The following ANTXRL variants were observed in gnomAD, a reference collection of about 807,000 sequenced individuals.
The protein encoded by ANTXRL is anthrax toxin receptor-like.
A neutral mutation model predicts 75.4 loss-of-function variants in ANTXRL; 63 were observed. The observed-to-expected ratio is 0.84, with a 90% CI of 0.68 to 1.03. ANTXRL has a LOEUF of 1.03. Ranked by LOEUF, ANTXRL falls within the 50% of genes least tolerant of loss-of-function variation. The pLI is 0.00. For missense variants in ANTXRL, 797 were observed against 789.4 expected, an observed-to-expected ratio of 1.01 and a Z score of -0.12; for synonymous variants, 335 against 291.3, an observed-to-expected ratio of 1.15 and a Z score of -1.53.
rs182005465 is a variant in ANTXRL, at chr10:46,287,040, A to G, written c.-223A>G. Reference sequence around the variant, plus strand: ...CCCCAGGGTGGGGGAAGGGCCAGGCAGGTAGCTGGAAGCAAGTCTCCCAGA... The same window carrying G: ...CCCCAGGGTGGGGGAAGGGCCAGGCGGGTAGCTGGAAGCAAGTCTCCCAGA... On this transcript the variant is annotated 5_prime_UTR_variant, in exon 1 of 17. Coordinates refer to ENST00000620264, the MANE Select transcript of ANTXRL (RefSeq NM_001278688.3). 438 of 598,632 alleles carry G rather than the reference A, an allele frequency of 7.3e-4. 6 individuals are homozygous for G. Among genetic ancestry groups the G allele is most frequent in the African/African-American group, 7.1e-3 (383 of 53,770 alleles). The allele number at this position is 598,632 out of a possible 1,614,324, so 37.1% of individuals were successfully genotyped here.
Position 46,296,028 on chromosome 10 carries a change from A to G in ANTXRL, c.402A>G (p.Ile134Met), listed in dbSNP as rs1554958514. Residue 134 changes from isoleucine to methionine, a missense_variant, in exon 4 of 17, where the codon ATA becomes ATG. This residue lies in a region of ANTXRL where 262 missense variants were observed against 271.9 expected (regional missense o/e 0.96). Coordinates refer to ENST00000620264, the MANE Select transcript of ANTXRL (RefSeq NM_001278688.3). ...VLPLTSDKNR[I>M]KNGLDQLQKI... ...TTTAAATTTTTTTCAGGAATAGAAT[A>G]AAAAACGGTCTTGACCAACTTCAGA... 2.0e-5 allele frequency: 30 copies of G among 1,535,768 alleles called. No homozygotes were observed. Among genetic ancestry groups the G allele is most frequent in the Non-Finnish European group, 2.5e-5 (29 of 1,146,624 alleles).
At chr10:46,300,329 A>C (rs1837644717) in intron 9 of ANTXRL, among the ~76,000 whole-genome samples, 1 of 152,148 alleles carries the variant, frequency 6.6e-6, no homozygotes, top group Non-Finnish European at 1.5e-5. Context: ...GCTGCCACTG[A>C]GAAGCCAGGA....
Position 46,309,095 on chromosome 10 carries a change from GCT to G in ANTXRL, c.1045-13_1045-12del. 2.6e-6 allele frequency: 4 copies of G among 1,535,594 alleles called. No homozygotes were observed. The highest frequency in any genetic ancestry group is 3.5e-6 in the Non-Finnish European group (4 of 1,146,570). On this transcript the variant is annotated splice_polypyrimidine_tract_variant and intron_variant, in intron 12 of 16. Coordinates refer to ENST00000620264, the MANE Select transcript of ANTXRL (RefSeq NM_001278688.3). ...GAGGCCACCGAGGCCCTCCTATGGT[GCT>G]CTCTTTCTCCACCAGGGCATTTTCC...
At chr10:46,323,178 G>C (rs1336677612) in intron 16 of ANTXRL, among the ~76,000 whole-genome samples, 1 of 152,170 alleles carries the variant, frequency 6.6e-6, no homozygotes, top group East Asian at 1.9e-4. Context: ...CCTGTGGTTT[G>C]AGCTGACTTA....
chr10:46,318,850 C>T (rs1216286264), intron 16 of ANTXRL, among the ~76,000 whole-genome samples: 1 of 152,070 alleles, frequency 6.6e-6, no homozygotes, highest in Non-Finnish European at 1.5e-5. Context: ...ATAGGGCAGC[C>T]CTCAGAATCA....
chr10:46,327,383 G>A (rs376326340), intron 16 of ANTXRL, among the ~76,000 whole-genome samples: 1 of 152,092 alleles, frequency 6.6e-6, no homozygotes, highest in East Asian at 1.9e-4. Context: ...GGGAGAGCAG[G>A]CTAACACACT....
At chr10:46,313,097 G>A (rs80049972) in intron 15 of ANTXRL, 139 bp from the exon 16 acceptor site, 122,535 of 752,406 alleles carry the variant, frequency 0.16, 8,421 homozygotes, top group Non-Finnish European at 0.19. Flanking sequence ...AGGCTGCCAG[G>A]CCCCTCCCCC....
In ANTXRL at chr10:46,297,343, T is replaced by A. The variant is rs1554959079; in HGVS notation, c.585+15T>A. The A allele has an allele frequency of 6.5e-7, 1 of 1,536,318 alleles. No homozygotes were observed. Among genetic ancestry groups the A allele is most frequent in the Non-Finnish European group, 8.7e-7 (1 of 1,146,770 alleles). On this transcript the variant is annotated intron_variant, in intron 6 of 16. Transcript: ENST00000620264. Reference sequence around the variant, plus strand: ...CTCTCAGAGAAGTGAGTCCAGTTCATACTTACCAGCATTTTGCTCCATGTA... The same window carrying A: ...CTCTCAGAGAAGTGAGTCCAGTTCAAACTTACCAGCATTTTGCTCCATGTA...
chr10:46,308,529 A>G (rs1205687816), intron 12 of ANTXRL: 5 of 437,946 alleles, frequency 1.1e-5, no homozygotes, highest in Non-Finnish European at 1.8e-5. Flanking sequence ...GCCGCCCAAG[A>G]TTCCTTTATT....
chr10:46,327,988 G>A (rs1839308843), intron 16 of ANTXRL, among the ~76,000 whole-genome samples: 2 of 152,132 alleles, frequency 1.3e-5, no homozygotes, highest in African/African-American at 4.8e-5. Flanking sequence ...TGGCATCCTG[G>A]GATCCTGCTG....
Position 46,312,405 on chromosome 10 carries a change from A to G in ANTXRL, c.1329+740A>G, listed in dbSNP as rs186129271. ...GAACCCTGCCAGACAGCAGCAGGGG[A>G]CCCTGCACAGGGGTAGAGAGGGCGC... On this transcript the variant is annotated intron_variant, in intron 15 of 16. Coordinates refer to ENST00000620264, the MANE Select transcript of ANTXRL (RefSeq NM_001278688.3). Among the ~76,000 whole-genome samples the G allele has an allele frequency of 9.1e-3, 1,260 of 138,934 alleles. 173 individuals carry two copies. Among genetic ancestry groups the G allele is most frequent in the Non-Finnish European group, 0.013 (793 of 62,030 alleles). The allele number at this position is 138,934 out of a possible 152,430, so 91.1% of individuals were successfully genotyped here. A position where few individuals can be genotyped will look rare whatever the true frequency, so the allele number is the denominator to read the frequency against.
intron 16 of ANTXRL, among the ~76,000 whole-genome samples, chr10:46,328,702 G>A (rs1354651462): frequency 2.6e-5 from 4 of 151,962 alleles, no homozygotes; most frequent in African/African-American, 9.7e-5. Context: ...ATGTGCCGTG[G>A]TGGTTTGTTG....
chr10:46,301,080 T>C (rs1385820989), intron 9 of ANTXRL, among the ~76,000 whole-genome samples: 8 of 151,716 alleles, frequency 5.3e-5, no homozygotes, highest in African/African-American at 1.9e-4. Flanking sequence ...TAATTTGCAA[T>C]TATCCTGTCC....
intron 16 of ANTXRL, among the ~76,000 whole-genome samples, chr10:46,315,425 C>T (rs377749921): frequency 2.5e-4 from 38 of 151,982 alleles, no homozygotes; most frequent in Admixed American, 6.5e-4. Flanking sequence ...ATCAGTGAGA[C>T]GTCCTGCCAG....
chr10:46,301,943 G>A (rs1202415310), intron 9 of ANTXRL, among the ~76,000 whole-genome samples: 2 of 152,202 alleles, frequency 1.3e-5, no homozygotes, highest in Non-Finnish European at 2.9e-5. Flanking sequence ...CTGGCTCCTG[G>A]GTCCAGCCGT....
chr10:46,319,645 G>A (rs1838889382), intron 16 of ANTXRL, among the ~76,000 whole-genome samples: 1 of 152,134 alleles, frequency 6.6e-6, no homozygotes, highest in Non-Finnish European at 1.5e-5. Flanking sequence ...ATTTGTAGAG[G>A]CATTCATCTT....
intron 10 of ANTXRL, among the ~76,000 whole-genome samples, chr10:46,303,302 T>C (rs10796319): frequency 0.082 from 12,550 of 152,208 alleles, 535 homozygotes; most frequent in Admixed American, 0.13. Context: ...CTTGGAATCC[T>C]GGCTCAGGCA....
rs1410744115 is a variant in ANTXRL, at chr10:46,311,640, G to T, written c.1304G>T (p.Gly435Val). 1 of 1,199,142 alleles carries T rather than the reference G, an allele frequency of 8.3e-7. No individual in the cohort carries two copies. Among genetic ancestry groups the T allele is most frequent in the Non-Finnish European group, 1.2e-6 (1 of 839,072 alleles). 74.3% of individuals were successfully genotyped at this position (1,199,142 alleles called of 1,614,324 possible). A position where few individuals can be genotyped will look rare whatever the true frequency, so the allele number is the denominator to read the frequency against. Reference sequence around the variant, plus strand: ...ATTATTTGTTGCTGTGGATGCCAAGGAGTGGGCGGGATGAGAAGGATAGAG... The same window carrying T: ...ATTATTTGTTGCTGTGGATGCCAAGTAGTGGGCGGGATGAGAAGGATAGAG... ...TVIICCCGCQ[G>V]VGGMRRIEGN... The change falls in exon 15 of 17, where the codon GGA becomes GTA. Residue 435 changes from glycine to valine, a missense_variant. Gly to Val is a moderately radical substitution (Grantham distance 109). Coordinates refer to ENST00000620264, the MANE Select transcript of ANTXRL (RefSeq NM_001278688.3).
At position 46,292,135 on chromosome 10, in the gene ANTXRL, G is replaced by A; in HGVS notation, c.320+6G>A. ...ACAGTGGCGAGGTTCCAAAGGTACA[G>A]ATCTCTGCATGGCAGCCTCCCCTGA... On this transcript the variant is annotated splice_donor_region_variant and intron_variant, in intron 2 of 16. Transcript: ENST00000620264. 6.5e-7 allele frequency: 1 copy of A among 1,536,036 alleles called. No homozygotes were observed. Among genetic ancestry groups the A allele is most frequent in the Non-Finnish European group, 8.7e-7 (1 of 1,146,692 alleles).
Sources: allele counts gnomAD v4.1 joint callset (sites outside exome capture counted in the v4.1 genomes callset), GRCh38; gene constraint gnomAD v4.1.1; regional missense constraint gnomAD v4.1.1; transcripts MANE v1.5; gene names NCBI Gene and HGNC (gene_info 2026-07-23, HGNC 2026-07-21).